CDIN1: variants seen among roughly 807,000 people sequenced by gnomAD.
CDIN1 encodes the protein CDAN1 interacting nuclease 1.
In CDIN1, 33 loss-of-function variants were observed where a neutral mutation model predicts 45.3. The observed-to-expected ratio is 0.73, with a 90% CI of 0.55 to 0.97. The LOEUF (loss-of-function observed/expected upper bound fraction) is 0.97. Among genes scored for constraint, CDIN1 ranks in the 50% least tolerant of loss-of-function variants. CDIN1 has a pLI of 0.00. For missense variants in CDIN1, 303 were observed against 339.4 expected, an observed-to-expected ratio of 0.89 and a Z score of 0.84; for synonymous variants, 118 against 124.4, an observed-to-expected ratio of 0.95 and a Z score of 0.34.
Position 36,787,716 on chromosome 15 carries a change from TATAGAG to T in CDIN1, c.717-20603_717-20598del, listed in dbSNP as rs534278975. The stretch of plus-strand genomic sequence containing the variant: ...TCTGAAAATTAGATTTTAATCGTAC[TATAGAG>T]ATAGTCTATTCTGTCACTTAAGGAC... On this transcript the variant is annotated intron_variant, in intron 10 of 10. Transcript: ENST00000566621. 2.3e-3 allele frequency among the ~76,000 whole-genome samples: 345 copies of T among 152,246 alleles called. 1 individual carries two copies. Among genetic ancestry groups the T allele is most frequent in the African/African-American group, 8.1e-3 (336 of 41,564 alleles).
chr15:36,691,965 T>C (rs1158056751), intron 6 of CDIN1, among the ~76,000 whole-genome samples, 161 bp from the exon 7 acceptor site: 1 of 151,508 alleles, frequency 6.6e-6, no homozygotes, highest in Non-Finnish European at 1.5e-5. Context: ...AGCATGCAAT[T>C]TTTGTTTTCT....
At chr15:36,595,799 T>C (rs116599018) in intron 1 of CDIN1, among the ~76,000 whole-genome samples, 1,580 of 152,274 alleles carry the variant, frequency 0.01, 28 homozygotes, top group African/African-American at 0.036. Context: ...TAGTAAATAC[T>C]TGGGAGATGA....
intron 5 of CDIN1, among the ~76,000 whole-genome samples, chr15:36,664,656 C>T (rs1008560966): frequency 3.3e-5 from 5 of 152,154 alleles, no homozygotes; most frequent in Admixed American, 6.5e-5. Context: ...ACGCCATTCT[C>T]CTGCCTCAGC....
intron 4 of CDIN1, among the ~76,000 whole-genome samples, chr15:36,657,359 T>G (rs1414746152): frequency 6.6e-6 from 1 of 152,106 alleles, no homozygotes; most frequent in African/African-American, 2.4e-5. Flanking sequence ...GTAAAATCCT[T>G]ATTTGGATTT....
chr15:36,620,354 AAAAATAAAAAT>A (rs1240649021), intron 1 of CDIN1, among the ~76,000 whole-genome samples: 3 of 152,178 alleles, frequency 2.0e-5, no homozygotes, highest in Admixed American at 6.5e-5. Flanking sequence ...CTGTCTCAAA[AAAAATAAAAAT>A]AAAATAAAAA....
chr15:36,594,267 TA>T (rs202181438), intron 1 of CDIN1, among the ~76,000 whole-genome samples: 386 of 151,962 alleles, frequency 2.5e-3, no homozygotes, highest in African/African-American at 7.2e-3. Flanking sequence ...GTTTTTGCAT[TA>T]AAAAAAATAC....
At chr15:36,754,826 T>C (rs2053567510) in intron 10 of CDIN1, among the ~76,000 whole-genome samples, 1 of 152,194 alleles carries the variant, frequency 6.6e-6, no homozygotes, top group African/African-American at 2.4e-5. Context: ...AATTCTGTCC[T>C]AATTATTGGG....
At chr15:36,761,711 G>A (rs552904418) in intron 10 of CDIN1, among the ~76,000 whole-genome samples, 31 of 152,242 alleles carry the variant, frequency 2.0e-4, no homozygotes, top group Non-Finnish European at 4.3e-4. Flanking sequence ...CAGACAGCGA[G>A]GCATCTTCTA....
chr15:36,635,305 T>C (rs975340605), intron 1 of CDIN1, among the ~76,000 whole-genome samples: 3 of 152,226 alleles, frequency 2.0e-5, no homozygotes, highest in Non-Finnish European at 4.4e-5. Context: ...CTTTAGATTT[T>C]TTATGAGATA....
chr15:36,735,600 CTG>C (rs1489674454), intron 10 of CDIN1, among the ~76,000 whole-genome samples: 1 of 152,040 alleles, frequency 6.6e-6, no homozygotes, highest in Non-Finnish European at 1.5e-5. Context: ...AATTTAAAAA[CTG>C]TATATAGTCT....
At chr15:36,788,106 ATT>A (rs1172040193) in intron 10 of CDIN1, among the ~76,000 whole-genome samples, 24 of 50,456 alleles carry the variant, frequency 4.8e-4, no homozygotes, top group African/African-American at 1.6e-3. Context: ...ATATATATAT[ATT>A]TTTTTTTTTT....
intron 1 of CDIN1, among the ~76,000 whole-genome samples, chr15:36,581,408 A>G (rs1051001181): frequency 6.6e-5 from 10 of 152,234 alleles, no homozygotes; most frequent in African/African-American, 2.4e-4. Flanking sequence ...AACACTTACA[A>G]AAGCCTCCCT....
intron 10 of CDIN1, among the ~76,000 whole-genome samples, chr15:36,759,148 G>A (rs2053688549): frequency 1.3e-5 from 2 of 152,058 alleles, no homozygotes; most frequent in Non-Finnish European, 2.9e-5. Flanking sequence ...ATACATCGAG[G>A]GGTGCAGGAC....
At position 36,772,751 on chromosome 15, in the gene CDIN1, T is replaced by TCTTCCAGGTGCTC. The variant is rs1555406895; in HGVS notation, c.717-35572_717-35571insTTCCAGGTGCTCC. On this transcript the variant is annotated intron_variant, in intron 10 of 10. Transcript: ENST00000566621. ...GACCTTTTCCAGTCTTCTCCCTAAATCCTGGGAGCACCATGCTCTGATAGG... is the reference window on the plus strand; with the variant it reads ...GACCTTTTCCAGTCTTCTCCCTAAATCTTCCAGGTGCTCCCTGGGAGCACCATGCTCTGATAGG... 3.8e-3 allele frequency among the ~76,000 whole-genome samples: 572 copies of TCTTCCAGGTGCTC among 152,310 alleles called. 3 individuals are homozygous for TCTTCCAGGTGCTC. The highest frequency in any genetic ancestry group is 0.013 in the African/African-American group (540 of 41,562).
At chr15:36,614,073 C>T in intron 1 of CDIN1, 1 of 932,904 alleles carries the variant, frequency 1.1e-6, no homozygotes, top group East Asian at 2.4e-5. Flanking sequence ...GAGACCTGTG[C>T]TGAGTTTGCT....
At chr15:36,774,694 C>T (rs1365488500) in intron 10 of CDIN1, among the ~76,000 whole-genome samples, 2 of 152,070 alleles carry the variant, frequency 1.3e-5, no homozygotes, top group Admixed American at 1.3e-4. Context: ...AACATATGAC[C>T]GTGTGATTAG....
chr15:36,634,475 A>G (rs2039814064), intron 1 of CDIN1, among the ~76,000 whole-genome samples: 1 of 152,244 alleles, frequency 6.6e-6, no homozygotes, highest in Admixed American at 6.5e-5. Flanking sequence ...ACATTTCTAA[A>G]TACTTTATGG....
At chr15:36,609,986 C>G (rs956704691) in intron 1 of CDIN1, among the ~76,000 whole-genome samples, 1 of 152,194 alleles carries the variant, frequency 6.6e-6, no homozygotes, top group Admixed American at 6.5e-5. Flanking sequence ...CTCTGTGTGA[C>G]CACATGCTTT....
At chr15:36,784,497 G>A (rs2141064150) in intron 10 of CDIN1, among the ~76,000 whole-genome samples, 1 of 152,364 alleles carries the variant, frequency 6.6e-6, no homozygotes. Flanking sequence ...TTTAAAAGGT[G>A]TAATAATCAC....
Sources: allele counts gnomAD v4.1 joint callset (sites outside exome capture counted in the v4.1 genomes callset), GRCh38; gene constraint gnomAD v4.1.1; transcripts MANE v1.5; gene names NCBI Gene and HGNC (gene_info 2026-07-23, HGNC 2026-07-21).